ZNF131: variants seen among roughly 807,000 people sequenced by gnomAD.
The protein encoded by ZNF131 is zinc finger protein 131.
ZNF131 carries 7 observed loss-of-function variants against 60.0 expected under a neutral mutation model. The ratio of observed to expected loss-of-function variants is 0.12; its 90% CI spans 0.07 to 0.22. ZNF131 has a LOEUF of 0.22. Ranked by LOEUF, ZNF131 falls within the 10% of genes least tolerant of loss-of-function variation. The probability of loss-of-function intolerance (pLI) is 1.00; values close to 1 mark genes in which losing one functional copy is unlikely to be tolerated. For synonymous variants in ZNF131, 257 were observed against 253.2 expected, an observed-to-expected ratio of 1.01 and a Z score of -0.14; for missense variants, 493 against 740.9, an observed-to-expected ratio of 0.67 and a Z score of 3.88.
At chr5:43,156,967 C>T (rs1749042071) in intron 4 of ZNF131, among the ~76,000 whole-genome samples, 12 of 149,850 alleles carry the variant, frequency 8.0e-5, no homozygotes. Flanking sequence ...GGTTAGGGAG[C>T]TTTTCAGCAG....
intron 6 of ZNF131, 85 bp from the exon 7 acceptor site, chr5:43,174,362 C>A (rs769637654): frequency 1.1e-5 from 13 of 1,233,562 alleles, no homozygotes; most frequent in Non-Finnish European, 1.3e-5. Context: ...AGCCTTCAAT[C>A]TTTTCTTTAC....
rs1472604974 is a variant in ZNF131 at position 43,175,568 on chromosome 5, A to G, written c.*435A>G. 1 of 645,846 alleles carries G rather than the reference A, an allele frequency of 1.5e-6. No individual in the cohort carries two copies. Among genetic ancestry groups the G allele is most frequent in the East Asian group, 2.8e-5 (1 of 35,534 alleles). The allele number at this position is 645,846 out of a possible 1,614,324, so 40.0% of individuals were successfully genotyped here. A position where few individuals can be genotyped will look rare whatever the true frequency, so the allele number is the denominator to read the frequency against. Reference sequence around the variant, plus strand: ...AAAATTGAATAATATAGGAAACACAAGGCTGCATGATGAAAAGTGCATTGT... The same window carrying G: ...AAAATTGAATAATATAGGAAACACAGGGCTGCATGATGAAAAGTGCATTGT... On this transcript the variant is annotated 3_prime_UTR_variant, in exon 7 of 7. Coordinates refer to ENST00000682664, the MANE Select transcript of ZNF131 (RefSeq NM_001330707.2).
intron 3 of ZNF131, 141 bp downstream of exon 3, chr5:43,123,451 C>T: frequency 1.7e-6 from 1 of 593,378 alleles, no homozygotes; most frequent in Non-Finnish European, 2.8e-6. Context: ...AAATAGGCAT[C>T]AGTAGTTCCT....
At chr5:43,144,080 G>A (rs555571504) in intron 4 of ZNF131, among the ~76,000 whole-genome samples, 23 of 150,502 alleles carry the variant, frequency 1.5e-4, no homozygotes, top group African/African-American at 5.1e-4. Context: ...TCGCCACCAC[G>A]CCCAGCTAAT....
Position 43,174,560 on chromosome 5 carries a change from T to C in ZNF131, c.1299T>C (p.Asn433=), listed in dbSNP as rs1362976803. 3 of 1,608,600 alleles carry C rather than the reference T, an allele frequency of 1.9e-6. No individual in the cohort carries two copies. Among genetic ancestry groups the C allele is most frequent in the Non-Finnish European group, 1.7e-6 (2 of 1,176,970 alleles). ...GTGATTTGTGGTTTATGCAAGGAAA[T>C]GAATTAAGGAGGCATCTCAGTGATG... ...TLCDLWFMQG[N]ELRRHLSDAH... Residue 433 remains asparagine, a synonymous_variant, in exon 7 of 7, where the codon AAT becomes AAC. Coordinates refer to ENST00000682664, the MANE Select transcript of ZNF131 (RefSeq NM_001330707.2).
intron 4 of ZNF131, among the ~76,000 whole-genome samples, chr5:43,159,832 A>T (rs1749423361): frequency 6.6e-6 from 1 of 152,090 alleles, no homozygotes; most frequent in Admixed American, 6.6e-5. Context: ...CTATTTTATC[A>T]ATTTTTGCTG....
chr5:43,146,089 A>G lies in ZNF131; in HGVS notation c.371+6780A>G, dbSNP rs188680426. Among the ~76,000 whole-genome samples the G allele has an allele frequency of 9.5e-4, 145 of 152,360 alleles. No homozygotes were observed. In the South Asian group the frequency reaches 0.014, roughly 15 times the overall value. On this transcript the variant is annotated intron_variant, in intron 4 of 6. Transcript: ENST00000682664. ...AGGAAGACATATAATTTAACAGGCT[A>G]AACAATTTAGGAATAAAAATTAATT...
chr5:43,139,065 TACTC>T, intron 3 of ZNF131, 96 bp from the exon 4 acceptor site: 1 of 1,043,338 alleles, frequency 9.6e-7, no homozygotes, highest in Non-Finnish European at 1.3e-6. Flanking sequence ...CAAAAATAAA[TACTC>T]AACAAGCTCC....
chr5:43,121,807 C>A, intron 1 of ZNF131: 1 of 336,540 alleles, frequency 3.0e-6, no homozygotes, highest in Non-Finnish European at 5.4e-6. Flanking sequence ...CGCTCTAGCT[C>A]GCGTCTCCCG....
intron 4 of ZNF131, among the ~76,000 whole-genome samples, chr5:43,152,257 C>T (rs1579828614): frequency 6.6e-6 from 1 of 151,912 alleles, no homozygotes; most frequent in Non-Finnish European, 1.5e-5. Flanking sequence ...CCTGCTTCAG[C>T]ATCCCAAAGT....
intron 3 of ZNF131, among the ~76,000 whole-genome samples, chr5:43,135,690 G>C (rs944684732): frequency 9.2e-5 from 14 of 152,050 alleles, no homozygotes; most frequent in Non-Finnish European, 1.6e-4. Flanking sequence ...CACTGCACTC[G>C]AGCCTGGGCG....
rs754923123 is a variant in ZNF131, at chr5:43,173,307, C to T, written c.1055-11C>T. The T allele has an allele frequency of 2.6e-6, 4 of 1,521,782 alleles. No individual in the cohort carries two copies. The highest frequency in any genetic ancestry group is 1.3e-5 in the South Asian group (1 of 75,404). The allele number at this position is 1,521,782 out of a possible 1,614,324, so 94.3% of individuals were successfully genotyped here. ...TTAATTTGCCAACGTATCTTTTTTC[C>T]CCTCTAATAGGTGAAAAACCTTTTG... On this transcript the variant is annotated splice_polypyrimidine_tract_variant and intron_variant, in intron 5 of 6. Transcript: ENST00000682664.
intron 4 of ZNF131, 135 bp downstream of exon 4, chr5:43,139,444 T>A: frequency 1.0e-6 from 1 of 989,258 alleles, no homozygotes; most frequent in Non-Finnish European, 1.3e-6. Context: ...AAGGATCTAT[T>A]AAAAAATTTT....
At chr5:43,130,264 C>CAAAAAAAAAAA (rs570313526) in intron 3 of ZNF131, among the ~76,000 whole-genome samples, 9,556 of 67,512 alleles carry the variant, frequency 0.14, 1,631 homozygotes, top group East Asian at 0.44. Context: ...ACTCTGTCTC[C>CAAAAAAAAAAA]AAAAAAAAAA....
intron 3 of ZNF131, among the ~76,000 whole-genome samples, chr5:43,131,014 C>A (rs1745275520): frequency 6.6e-6 from 1 of 152,172 alleles, no homozygotes; most frequent in East Asian, 1.9e-4. Flanking sequence ...CAGGCACTCA[C>A]TAACCACACC....
chr5:43,161,434 CATT>C lies in ZNF131; in HGVS notation c.559_561del (p.Leu187del). ...GAAGTGGAAGATGAAGGCATCGAAA[CATT>C]AGAGGAAGTGGCTTCTGCCAAGCAG... is the stretch of plus-strand genomic sequence containing the variant. On this transcript the variant is annotated inframe_deletion, in exon 5 of 7. Transcript: ENST00000682664. The C allele has an allele frequency of 3.1e-6, 5 of 1,614,210 alleles. No homozygotes were observed. The South Asian group carries it at 5.5e-5, about 18-fold the overall frequency.
chr5:43,144,995 A>T (rs1747397156), intron 4 of ZNF131, among the ~76,000 whole-genome samples: 2 of 151,794 alleles, frequency 1.3e-5, no homozygotes, highest in Non-Finnish European at 2.9e-5. Context: ...TATGTTTTAC[A>T]TTTTCCATTA....
chr5:43,148,655 C>T (rs1334327285), intron 4 of ZNF131, among the ~76,000 whole-genome samples: 8 of 152,302 alleles, frequency 5.3e-5, no homozygotes, highest in Admixed American at 3.3e-4. Context: ...AAACATGCTA[C>T]TACTGTTAGG....
chr5:43,154,536 T>C (rs1748728319), intron 4 of ZNF131, among the ~76,000 whole-genome samples: 1 of 152,212 alleles, frequency 6.6e-6, no homozygotes, highest in East Asian at 1.9e-4. Context: ...CTCTGTGTGT[T>C]ATGTGATCCT....
Sources: gnomAD v4.1 joint callset for allele counts (sites outside exome capture counted in the v4.1 genomes callset) on GRCh38, gnomAD v4.1.1 for gene constraint, MANE v1.5 for transcripts, NCBI Gene and HGNC (gene_info 2026-07-23, HGNC 2026-07-21) for gene names.